The following NRXN1 variants were observed in gnomAD, a reference collection of about 807,000 sequenced individuals.
The protein encoded by NRXN1 is neurexin 1, also known as neurexin-1.
A neutral mutation model predicts 150.9 loss-of-function variants in NRXN1; 39 were observed. The observed-to-expected ratio is 0.26, with a 90% CI of 0.20 to 0.34. The LOEUF (loss-of-function observed/expected upper bound fraction) is 0.34, where lower values mean the gene tolerates loss of function less well. Ranked by LOEUF, NRXN1 falls within the 10% of genes least tolerant of loss-of-function variation. The probability of loss-of-function intolerance (pLI) is 1.00; values close to 1 mark genes in which losing one functional copy is unlikely to be tolerated. For synonymous variants in NRXN1, 924 were observed against 757.0 expected, an observed-to-expected ratio of 1.22 and a Z score of -3.62; for missense variants, 1,815 against 1,949.9, an observed-to-expected ratio of 0.93 and a Z score of 1.30.
chr2:50,703,307 A>G (rs1463722777), intron 5 of NRXN1, among the ~76,000 whole-genome samples: 2 of 152,118 alleles, frequency 1.3e-5, no homozygotes, highest in African/African-American at 4.8e-5. Flanking sequence ...CATATGTTTA[A>G]CAGATCCAGG....
chr2:50,583,264 A>G (rs1672579260), intron 8 of NRXN1, among the ~76,000 whole-genome samples: 2 of 152,062 alleles, frequency 1.3e-5, no homozygotes, highest in Admixed American at 1.3e-4. Flanking sequence ...CTGGTCTCAA[A>G]CTTGTGAGCT....
At chr2:50,732,185 T>C (rs551526775) in intron 5 of NRXN1, among the ~76,000 whole-genome samples, 18 of 152,262 alleles carry the variant, frequency 1.2e-4, no homozygotes, top group South Asian at 6.2e-4. Context: ...TATTTTTACA[T>C]GCATGTGCCT....
At chr2:50,656,228 T>A in intron 5 of NRXN1, 2 of 564,454 alleles carry the variant, frequency 3.5e-6, no homozygotes, top group South Asian at 2.5e-5. Context: ...TGATCTTTTT[T>A]AAACTTAAAG....
intron 17 of NRXN1, among the ~76,000 whole-genome samples, chr2:50,370,320 A>C (rs1213057117): frequency 2.6e-5 from 4 of 151,990 alleles, no homozygotes; most frequent in African/African-American, 9.7e-5. Context: ...AATATTGTAC[A>C]TCACCCTGGA....
chr2:50,305,401 A>C (rs573102291), intron 17 of NRXN1, among the ~76,000 whole-genome samples: 1 of 152,310 alleles, frequency 6.6e-6, no homozygotes, highest in Non-Finnish European at 1.5e-5. Flanking sequence ...TAATTTTGTA[A>C]ACATGTTTTT....
intron 18 of NRXN1, among the ~76,000 whole-genome samples, chr2:50,165,643 G>A (rs937398864): frequency 7.2e-5 from 11 of 152,114 alleles, no homozygotes; most frequent in Non-Finnish European, 1.3e-4. Flanking sequence ...GCCACCCACC[G>A]CGCCCAGCCA....
intron 18 of NRXN1, among the ~76,000 whole-genome samples, chr2:50,100,174 T>C (rs1393276756): frequency 7.9e-5 from 12 of 152,126 alleles, no homozygotes; most frequent in Admixed American, 7.9e-4. Flanking sequence ...GACTTTGCAT[T>C]AGGTTGAAGT....
At chr2:50,574,479 C>T (rs1008128449) in intron 8 of NRXN1, among the ~76,000 whole-genome samples, 1 of 152,106 alleles carries the variant, frequency 6.6e-6, no homozygotes, top group African/African-American at 2.4e-5. Flanking sequence ...TCTCCCAAGG[C>T]TCCTTTCCTA....
intron 8 of NRXN1, among the ~76,000 whole-genome samples, chr2:50,556,538 G>T: frequency 6.7e-6 from 1 of 149,432 alleles, no homozygotes; most frequent in South Asian, 2.1e-4. Flanking sequence ...GATTCAAAAT[G>T]TTGAATTTTA....
intron 19 of NRXN1, among the ~76,000 whole-genome samples, chr2:50,060,309 G>A (rs1694321849): frequency 6.6e-6 from 1 of 152,120 alleles, no homozygotes; most frequent in South Asian, 2.1e-4. Flanking sequence ...GGGGCCTGTA[G>A]ACCCTTCGTT....
At chr2:50,175,392 G>C (rs1438106361) in intron 18 of NRXN1, among the ~76,000 whole-genome samples, 1 of 152,072 alleles carries the variant, frequency 6.6e-6, no homozygotes, top group Non-Finnish European at 1.5e-5. Flanking sequence ...AGAGAATTTG[G>C]TTTTCCTTTC....
At position 50,884,048 on chromosome 2, in the gene NRXN1, G is replaced by A. The variant is rs909530437; in HGVS notation, c.832+37821C>T. The stretch of plus-strand genomic sequence containing the variant: ...TTTATCTGTATTCTTAGTATGCTTC[G>A]ATAAAAAGTTAAGAAGGTAAATATA... On this transcript the variant is annotated intron_variant, in intron 5 of 22. Coordinates refer to ENST00000401669, the MANE Select transcript of NRXN1 (RefSeq NM_001330078.2). Among the ~76,000 whole-genome samples the A allele has an allele frequency of 5.3e-5, 8 of 151,768 alleles. No homozygotes were observed. In the East Asian group the frequency reaches 5.8e-4, roughly 11 times the overall value.
intron 13 of NRXN1, among the ~76,000 whole-genome samples, chr2:50,502,382 C>A (rs1353376474): frequency 6.6e-6 from 1 of 151,994 alleles, no homozygotes. Context: ...ACTAAGAAGG[C>A]AGAACTACTA....
intron 17 of NRXN1, among the ~76,000 whole-genome samples, chr2:50,419,938 C>A (rs1301053834): frequency 6.6e-6 from 1 of 152,048 alleles, no homozygotes; most frequent in Non-Finnish European, 1.5e-5. Context: ...CCACCAAATA[C>A]ATCTGAATGC....
At chr2:50,045,428 C>T (rs920597691) in intron 21 of NRXN1, among the ~76,000 whole-genome samples, 14 of 152,192 alleles carry the variant, frequency 9.2e-5, no homozygotes, top group East Asian at 1.9e-4. Flanking sequence ...CTGCAACCTC[C>T]GCCTCCGCCC....
intron 2 of NRXN1, among the ~76,000 whole-genome samples, chr2:50,967,562 A>G (rs1694300935): frequency 6.6e-6 from 1 of 152,070 alleles, no homozygotes; most frequent in South Asian, 2.1e-4. Context: ...TTAATCATTA[A>G]GAGCCCAAAA....
At chr2:50,475,977 G>A (rs754690785) in intron 15 of NRXN1, among the ~76,000 whole-genome samples, 3 of 152,086 alleles carry the variant, frequency 2.0e-5, no homozygotes, top group African/African-American at 7.2e-5. Flanking sequence ...ACAAGAGCCT[G>A]CATGGGCAAC....
chr2:50,311,112 A>T (rs1320848416), intron 17 of NRXN1, among the ~76,000 whole-genome samples: 1 of 152,122 alleles, frequency 6.6e-6, no homozygotes, highest in Non-Finnish European at 1.5e-5. Context: ...AAGAAGAGTA[A>T]TGCTATCTAT....
At chr2:50,231,244 G>A (rs191376205) in intron 18 of NRXN1, among the ~76,000 whole-genome samples, 117 of 152,092 alleles carry the variant, frequency 7.7e-4, no homozygotes, top group Non-Finnish European at 1.2e-3. Flanking sequence ...AAACCCTGAG[G>A]GGAAATAACT....
Sources: allele counts gnomAD v4.1 joint callset (sites outside exome capture counted in the v4.1 genomes callset), GRCh38; gene constraint gnomAD v4.1.1; transcripts MANE v1.5; gene names NCBI Gene and HGNC (gene_info 2026-07-23, HGNC 2026-07-21).